The following ADGRL2 variants were observed in gnomAD, a reference collection of about 807,000 sequenced individuals.
ADGRL2 encodes the protein adhesion G protein-coupled receptor L2.
ADGRL2 carries 44 observed loss-of-function variants against 157.4 expected under a neutral mutation model. That is an observed-to-expected ratio of 0.28 (90% CI 0.22 to 0.36). The LOEUF is 0.36. Ranked by LOEUF, ADGRL2 falls within the 10% of genes least tolerant of loss-of-function variation. The pLI, the probability that ADGRL2 is intolerant of heterozygous loss-of-function variation, is 1.00. For synonymous variants in ADGRL2, 585 were observed against 624.7 expected (o/e 0.94, Z 0.95); for missense variants, 1,510 against 1,768.9 (o/e 0.85, Z 2.63).
chr1:81,368,383 C>G (rs2076103299), intron 1 of ADGRL2, among the ~76,000 whole-genome samples: 1 of 152,150 alleles, frequency 6.6e-6, no homozygotes, highest in Admixed American at 6.6e-5. Flanking sequence ...GCTTTCCTTT[C>G]TCTTTAATCA....
At position 81,905,974 on chromosome 1, in the gene ADGRL2, G is replaced by GTGTC. The variant is rs1553185457; in HGVS notation, c.74-1040_74-1039insCTGT. ...TGTGTGTGTGTGTGTGTGTGTGTGT[G>GTGTC]TGTGTGTGTGTGTACATATAAAAGT... On this transcript the variant is annotated intron_variant, in intron 2 of 23. Coordinates refer to ENST00000686636, the MANE Select transcript of ADGRL2 (RefSeq NM_001366006.2). Among the ~76,000 whole-genome samples, 146 of 151,078 alleles carry GTGTC rather than the reference G, an allele frequency of 9.7e-4. 3 individuals are homozygous for GTGTC. The highest frequency in any genetic ancestry group is 3.4e-3 in the African/African-American group (142 of 41,430).
At chr1:81,437,218 C>T (rs562158558) in intron 1 of ADGRL2, among the ~76,000 whole-genome samples, 4 of 152,212 alleles carry the variant, frequency 2.6e-5, no homozygotes, top group South Asian at 2.1e-4. Flanking sequence ...ACAGATGAGA[C>T]GGGTGTCTGC....
intron 23 of ADGRL2, among the ~76,000 whole-genome samples, chr1:81,988,900 A>G (rs1359164980): frequency 1.3e-5 from 2 of 152,132 alleles, no homozygotes; most frequent in Admixed American, 6.6e-5. Flanking sequence ...AGCCTTGCAT[A>G]CAATGCAGCA....
At chr1:81,703,717 A>G (rs2083645507) in intron 1 of ADGRL2, among the ~76,000 whole-genome samples, 1 of 152,206 alleles carries the variant, frequency 6.6e-6, no homozygotes, top group African/African-American at 2.4e-5. Context: ...AAGAAATGGA[A>G]ACTGGTTATT....
At position 81,951,025 on chromosome 1, in the gene ADGRL2, C is replaced by T. The variant is rs770478731; in HGVS notation, c.1512C>T (p.Ala504=). 7 of 1,609,858 alleles carry T rather than the reference C, an allele frequency of 4.3e-6. No individual in the cohort carries two copies. The highest frequency in any genetic ancestry group is 1.3e-5 in the African/African-American group (1 of 74,902). ...RPCPKGTRGT[A]SYLCMISTGT... ...TTTCTACATCTGTTGTAGGAACTGC[C>T]TCATATCTCTGCATGATTTCCACTG... Residue 504 remains alanine, a synonymous_variant, in exon 8 of 24, where the codon GCC becomes GCT. Coordinates refer to ENST00000686636, the MANE Select transcript of ADGRL2 (RefSeq NM_001366006.2).
intron 4 of ADGRL2, among the ~76,000 whole-genome samples, chr1:81,940,822 A>G (rs1020212670): frequency 6.6e-6 from 1 of 151,638 alleles, no homozygotes; most frequent in Non-Finnish European, 1.5e-5. Flanking sequence ...AAGCCTATAT[A>G]CAATGTAAAG....
chr1:81,477,419 G>A (rs1270411370), intron 2 of ADGRL2, among the ~76,000 whole-genome samples: 2 of 152,222 alleles, frequency 1.3e-5, no homozygotes, highest in African/African-American at 4.8e-5. Context: ...GGCTGGAGCA[G>A]TGAAGAGAAA....
rs1379508714 is a variant in ADGRL2 at position 81,979,887 on chromosome 1, G to A, written c.3040G>A (p.Val1014Met). ...ACAACAGCTAAATATTATCTTCTTG[G>A]TGATCACATTGTGCAAAATGGTGAA... ...FIILLNIIFL[V>M]ITLCKMVKHS... Residue 1014 changes from valine (V) to methionine (M), a missense_variant, in exon 18 of 24, where the codon GTG becomes ATG. Val to Met is a conservative substitution (Grantham distance 21). Around this residue, in one of 4 missense-constraint regions of ADGRL2, gnomAD observed 497 missense variants for 627.2 expected, o/e 0.79. Transcript: ENST00000686636. 6.2e-7 allele frequency: 1 copy of A among 1,601,362 alleles called. No individual in the cohort carries two copies. Among genetic ancestry groups the A allele is most frequent in the Non-Finnish European group, 8.5e-7 (1 of 1,169,906 alleles).
In ADGRL2 at chr1:81,942,949, T is replaced by C; in HGVS notation, c.410-20T>C. ...ATTTTTTAACTTGGCTTAATTTTTGTCTTTCTCTGTAACTGTTAGTTTTTG... is the reference window on the plus strand; with the variant it reads ...ATTTTTTAACTTGGCTTAATTTTTGCCTTTCTCTGTAACTGTTAGTTTTTG... On this transcript the variant is annotated intron_variant, in intron 5 of 23. Transcript: ENST00000686636. The C allele has an allele frequency of 6.3e-7, 1 of 1,579,714 alleles. No individual in the cohort carries two copies.
chr1:81,313,804 G>A (rs893486223), intron 1 of ADGRL2, among the ~76,000 whole-genome samples: 1 of 152,164 alleles, frequency 6.6e-6, no homozygotes, highest in Non-Finnish European at 1.5e-5. Flanking sequence ...TGGAAACTAT[G>A]TAAATGAATT....
chr1:81,551,370 T>A (rs919957156), intron 2 of ADGRL2, among the ~76,000 whole-genome samples: 21 of 152,130 alleles, frequency 1.4e-4, no homozygotes, highest in African/African-American at 5.1e-4. Flanking sequence ...AGTCCCCAAG[T>A]GTAAGGATTT....
chr1:81,683,131 T>C (rs1041333571), intron 3 of ADGRL2, among the ~76,000 whole-genome samples: 2 of 152,150 alleles, frequency 1.3e-5, no homozygotes, highest in Non-Finnish European at 2.9e-5. Flanking sequence ...AGACTCTATC[T>C]CAAAAATAAA....
chr1:81,892,691 T>C (rs975011512), intron 2 of ADGRL2, among the ~76,000 whole-genome samples: 1 of 152,180 alleles, frequency 6.6e-6, no homozygotes, highest in Non-Finnish European at 1.5e-5. Flanking sequence ...TGTATAGATA[T>C]TTATATAATG....
intron 2 of ADGRL2, chr1:81,761,931 T>C (rs2085895103): frequency 6.6e-6 from 1 of 151,992 alleles, no homozygotes; most frequent in Admixed American, 6.6e-5. Context: ...AAAATTGGAG[T>C]ATCATCTACT....
Position 81,905,879 on chromosome 1 carries a change from T to C in ADGRL2, c.74-1138T>C, listed in dbSNP as rs2094573618. The stretch of plus-strand genomic sequence containing the variant: ...TTTTCTATTAAAATAAATATGGTAC[T>C]ACTAGTTTAAGCTGAATTATTTGTA... On this transcript the variant is annotated intron_variant, in intron 2 of 23. Coordinates refer to ENST00000686636, the MANE Select transcript of ADGRL2 (RefSeq NM_001366006.2). Among the ~76,000 whole-genome samples, 3 of 152,042 alleles carry C rather than the reference T, an allele frequency of 2.0e-5. No homozygotes were observed. The South Asian group carries it at 6.2e-4, about 31-fold the overall frequency.
At chr1:81,672,309 T>C (rs2082892491) in intron 3 of ADGRL2, among the ~76,000 whole-genome samples, 1 of 152,240 alleles carries the variant, frequency 6.6e-6, no homozygotes, top group Admixed American at 6.5e-5. Flanking sequence ...TAAATCATTT[T>C]CAGCTTTCAA....
intron 3 of ADGRL2, among the ~76,000 whole-genome samples, chr1:81,590,097 T>A (rs1356433638): frequency 1.3e-5 from 2 of 152,144 alleles, no homozygotes; most frequent in African/African-American, 2.4e-5. Context: ...GAGTAAATAC[T>A]CTTGGTCCTT....
intron 3 of ADGRL2, among the ~76,000 whole-genome samples, chr1:81,685,577 C>G (rs1031879144): frequency 1.3e-5 from 2 of 152,146 alleles, no homozygotes; most frequent in African/African-American, 4.8e-5. Flanking sequence ...ATATTTTCAG[C>G]AAACAATGAC....
intron 2 of ADGRL2, chr1:81,513,942 A>G (rs1459908314): frequency 3.3e-5 from 5 of 152,210 alleles, no homozygotes; most frequent in African/African-American, 1.2e-4. Flanking sequence ...TCTTCTGTGA[A>G]TCTTCACAAC....
Sources: gnomAD v4.1 joint callset for allele counts (sites outside exome capture counted in the v4.1 genomes callset) on GRCh38, gnomAD v4.1.1 for gene constraint, gnomAD v4.1.1 regional missense constraint, MANE v1.5 for transcripts, NCBI Gene and HGNC (gene_info 2026-07-23, HGNC 2026-07-21) for gene names.